CDKN2B-AS1: variants seen among roughly 807,000 people sequenced by gnomAD.
CDKN2B-AS1 encodes CDKN2B and CDKN2A antisense cis and trans regulatory RNA 1, also known as CDKN2B antisense RNA 1 (non-protein coding).
intron 4 of CDKN2B-AS1, chr9:22,120,299 T>C (rs889006999): frequency 1.3e-5 from 2 of 152,254 alleles, no homozygotes; most frequent in African/African-American, 4.8e-5. Context: ...TCAAGATTTA[T>C]GCTTTGCAGC....
At chr9:22,099,569 C>A (rs1537371) in intron 4 of CDKN2B-AS1, among the ~76,000 whole-genome samples, 95,243 of 151,894 alleles carry the variant, frequency 0.63, 32,138 homozygotes, top group African/African-American at 0.89. Flanking sequence ...GTTATAATTT[C>A]ATTGGCAGCA....
rs1820923073 is a variant in CDKN2B-AS1 at position 22,001,643 on chromosome 9, TG to T, written n.29+6483del. ...TTATGTAATTAATAGGGCCTATATGTGAAAGTTACTGTGTTTCTGTAAAATG... is the reference window on the plus strand; with the variant it reads ...TTATGTAATTAATAGGGCCTATATGTAAAGTTACTGTGTTTCTGTAAAATG... On this transcript the variant is annotated intron_variant and non_coding_transcript_variant, in intron 1 of 4. Transcript: ENST00000650946. The surrounding 1 kb of genome is among the most constrained non-coding windows in gnomAD (Gnocchi z 4.2). Among the ~76,000 whole-genome samples the T allele has an allele frequency of 1.3e-5, 2 of 152,166 alleles. No individual in the cohort carries two copies. The highest frequency in any genetic ancestry group is 2.9e-5 in the Non-Finnish European group (2 of 67,992).
chr9:22,002,306 A>T (rs1014949271), intron 1 of CDKN2B-AS1, among the ~76,000 whole-genome samples: 1 of 151,998 alleles, frequency 6.6e-6, no homozygotes, highest in Admixed American at 6.6e-5. Flanking sequence ...AATGTCTCTA[A>T]GTTTTGCATA....
At chr9:22,002,097 C>T (rs1051395994) in intron 1 of CDKN2B-AS1, among the ~76,000 whole-genome samples, 1 of 151,994 alleles carries the variant, frequency 6.6e-6, no homozygotes, top group African/African-American at 2.4e-5. Context: ...GTGAACTACA[C>T]CAACCTAAGC....
chr9:22,021,267 A>C lies in CDKN2B-AS1; in HGVS notation n.30-25484A>C, dbSNP rs568894133. ...TTTTTTATGTTCTTAACTTTTATTT[A>C]TTTATTTATTCATGTATTCATTTAT... On this transcript the variant is annotated intron_variant and non_coding_transcript_variant, in intron 1 of 4. Coordinates refer to ENST00000650946, the Ensembl canonical transcript of CDKN2B-AS1. 4.0e-5 allele frequency among the ~76,000 whole-genome samples: 6 copies of C among 151,466 alleles called. No homozygotes were observed. In the South Asian group the frequency reaches 1.2e-3, roughly 32 times the overall value.
chr9:22,065,892 T>C (rs1370990874), intron 4 of CDKN2B-AS1: 1 of 152,230 alleles, frequency 6.6e-6, no homozygotes, highest in Non-Finnish European at 1.5e-5. Context: ...CTATTCAGCA[T>C]CTTTTTGTAC....
intron 4 of CDKN2B-AS1, among the ~76,000 whole-genome samples, chr9:22,075,227 A>G (rs1455199681): frequency 6.6e-6 from 1 of 152,226 alleles, no homozygotes; most frequent in Non-Finnish European, 1.5e-5. Flanking sequence ...CTCCCTGCCT[A>G]TCCCCAGGCC....
At chr9:22,098,023 C>T (rs1011007463) in intron 4 of CDKN2B-AS1, among the ~76,000 whole-genome samples, 1 of 152,154 alleles carries the variant, frequency 6.6e-6, no homozygotes, top group Admixed American at 6.5e-5. Flanking sequence ...CTTCCACATA[C>T]TTGTCTCCTT....
chr9:22,099,601 C>T (rs1315461320), intron 4 of CDKN2B-AS1, among the ~76,000 whole-genome samples: 1 of 151,932 alleles, frequency 6.6e-6, no homozygotes, highest in Non-Finnish European at 1.5e-5. Context: ...TTAAGGGCCC[C>T]CAAATAATAG....
At chr9:22,049,789 T>A (rs571665904) in intron 3 of CDKN2B-AS1, among the ~76,000 whole-genome samples, 1 of 152,312 alleles carries the variant, frequency 6.6e-6, no homozygotes, top group African/African-American at 2.4e-5. Flanking sequence ...TTTACAAGAT[T>A]GTAACTAAGA....
chr9:22,061,326 C>T (rs912687387), intron 4 of CDKN2B-AS1, among the ~76,000 whole-genome samples: 6 of 152,100 alleles, frequency 3.9e-5, no homozygotes, highest in Non-Finnish European at 8.8e-5. Context: ...ACATTTTTTC[C>T]TTTACTAGCC....
At chr9:22,083,733 T>C (rs1824777523) in intron 4 of CDKN2B-AS1, among the ~76,000 whole-genome samples, 1 of 152,310 alleles carries the variant, frequency 6.6e-6, no homozygotes, top group African/African-American at 2.4e-5. Flanking sequence ...ATTTTGTGAC[T>C]CAGTGAAGTT....
intron 4 of CDKN2B-AS1, among the ~76,000 whole-genome samples, chr9:22,125,335 TG>T (rs1362116284): frequency 3.3e-5 from 5 of 152,254 alleles, no homozygotes; most frequent in Admixed American, 3.3e-4. Flanking sequence ...CATGCTATTT[TG>T]AGGAGATGTT....
At chr9:22,048,954 C>T (rs1368309894) in intron 2 of CDKN2B-AS1, among the ~76,000 whole-genome samples, 2 of 152,130 alleles carry the variant, frequency 1.3e-5, no homozygotes, top group Non-Finnish European at 2.9e-5. Context: ...AGGTATAGTA[C>T]TATGCTTGCC....
At chr9:22,094,317 A>T (rs1825201384) in intron 4 of CDKN2B-AS1, among the ~76,000 whole-genome samples, 1 of 143,158 alleles carries the variant, frequency 7.0e-6, no homozygotes, top group South Asian at 2.1e-4. Flanking sequence ...CTTCTTGAGG[A>T]GTATCTTTGT....
intron 1 of CDKN2B-AS1, among the ~76,000 whole-genome samples, chr9:22,037,401 C>A (rs553281864): frequency 1.8e-4 from 27 of 151,848 alleles, no homozygotes; most frequent in Non-Finnish European, 2.8e-4. Context: ...TCTCTCCTGG[C>A]ATGTTCTGGC....
chr9:22,030,028 C>T (rs4977753), intron 1 of CDKN2B-AS1: 88,260 of 151,984 alleles, frequency 0.58, 26,613 homozygotes, highest in African/African-American at 0.71. Context: ...AGACATAAAG[C>T]CAAAAGTTCT....
intron 4 of CDKN2B-AS1, among the ~76,000 whole-genome samples, chr9:22,123,033 C>G (rs1339316074): frequency 3.3e-5 from 5 of 151,948 alleles, no homozygotes; most frequent in African/African-American, 1.2e-4. Context: ...TTTCTTTCAT[C>G]AGTATTTTGT....
rs3221506 is a variant in CDKN2B-AS1 at position 22,103,131 on chromosome 9, A to ATGTGTGTGTGTG, written n.439-23935_439-23924dup. ...TTCTGGGGTTTTCATTCTAGAACAG[A>ATGTGTGTGTGTG]TGTGTGTGTGTGTGTGTGTGTGTGT... On this transcript the variant is annotated intron_variant and non_coding_transcript_variant, in intron 4 of 4. Transcript: ENST00000650946. Among the ~76,000 whole-genome samples the ATGTGTGTGTGTG allele has an allele frequency of 2.7e-3, 360 of 132,500 alleles. 2 individuals are homozygous for ATGTGTGTGTGTG. Among genetic ancestry groups the ATGTGTGTGTGTG allele is most frequent in the East Asian group, 4.0e-3 (18 of 4,510 alleles). 86.9% of individuals were successfully genotyped at this position (132,500 alleles called of 152,430 possible). A position where few individuals can be genotyped will look rare whatever the true frequency, so the allele number is the denominator to read the frequency against.
Sources: gnomAD v4.1 joint callset for allele counts (sites outside exome capture counted in the v4.1 genomes callset) on GRCh38, gnomAD v4.1.1 for gene constraint, Gnocchi (gnomAD v3.1) non-coding constraint, MANE v1.5 for transcripts, NCBI Gene and HGNC (gene_info 2026-07-23, HGNC 2026-07-21) for gene names.